PLA2R1: variants seen among roughly 807,000 people sequenced by gnomAD.
PLA2R1 encodes the protein phospholipase A2 receptor 1.
In PLA2R1, 158 loss-of-function variants were observed where a neutral mutation model predicts 195.9. The observed-to-expected ratio is 0.81, with a 90% CI of 0.71 to 0.92. PLA2R1 has a LOEUF of 0.92. PLA2R1 is among the 40% of genes least tolerant of loss of function. PLA2R1 has a pLI of 0.00. For missense variants in PLA2R1, 1,626 were observed against 1,764.6 expected (o/e 0.92, Z 1.41); for synonymous variants, 586 against 598.2 (o/e 0.98, Z 0.30).
At position 159,983,983 on chromosome 2, in the gene PLA2R1, C is replaced by T; in HGVS notation, c.2128G>A (p.Ala710Thr). Residue 710 changes from alanine to threonine, a missense_variant, in exon 13 of 30, where the codon GCC (alanine) becomes ACC (threonine). Coordinates refer to ENST00000283243, the MANE Select transcript of PLA2R1 (RefSeq NM_007366.5). Reference protein sequence around the residue: ...EEFGAHLASFAHIEEENFVNE... With the variant: ...EEFGAHLASFTHIEEENFVNE... The stretch of plus-strand genomic sequence containing the variant: ...ACAAAATTCTCTTCCTCAATATGGG[C>T]AAAGCTTGCAAGATGAGCTCCAAAT... 2 of 1,600,766 alleles carry T rather than the reference C, an allele frequency of 1.2e-6. No individual in the cohort carries two copies. The highest frequency in any genetic ancestry group is 1.1e-5 in the South Asian group (1 of 90,432).
chr2:160,048,910 G>T (rs1056014329), intron 1 of PLA2R1, among the ~76,000 whole-genome samples: 3 of 145,002 alleles, frequency 2.1e-5, no homozygotes, highest in Non-Finnish European at 3.0e-5. Context: ...GCGGGATCTC[G>T]GCTCACTGCA....
intron 25 of PLA2R1, among the ~76,000 whole-genome samples, chr2:159,948,782 G>C (rs1687549646): frequency 6.6e-6 from 1 of 151,808 alleles, no homozygotes; most frequent in African/African-American, 2.4e-5. Context: ...TATATAATTT[G>C]TATGTTATTT....
intron 1 of PLA2R1, among the ~76,000 whole-genome samples, chr2:160,059,480 T>C (rs1434150632): frequency 1.3e-5 from 2 of 152,152 alleles, no homozygotes; most frequent in Admixed American, 6.5e-5. Context: ...TAGCTCCATT[T>C]TACAGATGAG....
rs80154749 is a variant in PLA2R1 at position 159,988,156 on chromosome 2, CA to C, written c.1835-799del. Among the ~76,000 whole-genome samples the C allele has an allele frequency of 6.3e-3, 924 of 146,182 alleles. 4 individuals carry two copies. The highest frequency in any genetic ancestry group is 0.015 in the South Asian group (68 of 4,460). On this transcript the variant is annotated intron_variant, in intron 11 of 29. Coordinates refer to ENST00000283243, the MANE Select transcript of PLA2R1 (RefSeq NM_007366.5). ...AAAATCTATACAACTCATATGACAG[CA>C]AAAAAAAAAAAAAATACACTTCAAA... is the stretch of plus-strand genomic sequence containing the variant.
chr2:160,022,567 C>A, intron 7 of PLA2R1, 98 bp downstream of exon 7: 2 of 630,390 alleles, frequency 3.2e-6, no homozygotes, highest in Non-Finnish European at 5.2e-6. Flanking sequence ...AATGAATAAC[C>A]ACTTTTAAAT....
At chr2:160,008,697 T>C (rs776504372) in intron 10 of PLA2R1, among the ~76,000 whole-genome samples, 3 of 152,184 alleles carry the variant, frequency 2.0e-5, no homozygotes, top group Non-Finnish European at 2.9e-5. Flanking sequence ...AATTAATAAA[T>C]TGGACTTTAT....
At chr2:160,010,125 T>C (rs1332006037) in intron 10 of PLA2R1, among the ~76,000 whole-genome samples, 2 of 152,100 alleles carry the variant, frequency 1.3e-5, no homozygotes, top group African/African-American at 2.4e-5. Context: ...TAAATGAAAG[T>C]AAAATAAACT....
At chr2:160,005,471 T>C (rs1043800960) in intron 11 of PLA2R1, among the ~76,000 whole-genome samples, 181 bp downstream of exon 11, 4 of 148,602 alleles carry the variant, frequency 2.7e-5, no homozygotes, top group East Asian at 2.0e-4. Context: ...AACAAACAAA[T>C]AAAATAAATA....
chr2:160,049,412 T>C (rs1573975753), intron 1 of PLA2R1, among the ~76,000 whole-genome samples: 1 of 152,206 alleles, frequency 6.6e-6, no homozygotes. Flanking sequence ...AGCTACTTCA[T>C]AGACACTGGG....
intron 28 of PLA2R1, among the ~76,000 whole-genome samples, chr2:159,943,621 A>T (rs1687214606): frequency 6.6e-6 from 1 of 152,112 alleles, no homozygotes; most frequent in Non-Finnish European, 1.5e-5. Context: ...CCGTCTGTAA[A>T]ATGGGGATAT....
chr2:159,971,367 C>T (rs964660256), intron 17 of PLA2R1, among the ~76,000 whole-genome samples: 3 of 151,958 alleles, frequency 2.0e-5, no homozygotes, highest in Non-Finnish European at 4.4e-5. Flanking sequence ...AGAAAATTAT[C>T]CTTTTACATT....
chr2:159,997,167 G>A (rs1428321311), intron 11 of PLA2R1, among the ~76,000 whole-genome samples: 2 of 152,124 alleles, frequency 1.3e-5, no homozygotes, highest in East Asian at 3.8e-4. Context: ...GGAATGGTAA[G>A]GTGTGAGAGG....
Position 159,933,798 on chromosome 2 carries a change from A to G in PLA2R1, c.*7980T>C, listed in dbSNP as rs555194606. 6.6e-6 allele frequency: 1 copy of G among 152,342 alleles called. No homozygotes were observed. Among genetic ancestry groups the G allele is most frequent in the South Asian group, 2.1e-4 (1 of 4,828 alleles). The allele number at this position is 152,342 out of a possible 1,614,324, so 9.4% of individuals were successfully genotyped here. On this transcript the variant is annotated 3_prime_UTR_variant, in exon 30 of 30. Transcript: ENST00000283243. ...ACGTTAAAGTATGTAAGACTTCCCC[A>G]TTTAGGTTTTCACTTTCTAAATCAG...
chr2:160,028,921 T>C lies in PLA2R1; in HGVS notation c.884A>G (p.Asn295Ser), dbSNP rs139957604. 562 of 1,611,252 alleles carry C rather than the reference T, an allele frequency of 3.5e-4. No individual in the cohort carries two copies. Among genetic ancestry groups the C allele is most frequent in the Middle Eastern group, 6.6e-4 (4 of 6,060 alleles). Residue 295 changes from asparagine to serine, a missense_variant, in exon 5 of 30, where the codon AAT (asparagine) becomes AGT (serine). Physicochemically the swap from Asn to Ser is conservative, Grantham distance 46 (BLOSUM62 1). Transcript: ENST00000283243. ...CCAGCCAGCGTGTTCATCCAGCTGA[T>C]TGAGGCCCATCCACACCTCCACTGT... is the stretch of plus-strand genomic sequence containing the variant. ...SKTVEVWMGL[N>S]QLDEHAGWQW...
At chr2:159,962,892 G>C (rs1192578680) in intron 20 of PLA2R1, among the ~76,000 whole-genome samples, 1 of 152,100 alleles carries the variant, frequency 6.6e-6, no homozygotes, top group Non-Finnish European at 1.5e-5. Flanking sequence ...GGGGACTGGG[G>C]GCCTAGGGGA....
rs1696044110 is a variant in PLA2R1 at position 160,062,576 on chromosome 2, G to C, written c.-173C>G. 2 of 1,165,402 alleles carry C rather than the reference G, an allele frequency of 1.7e-6. No individual in the cohort carries two copies. Among genetic ancestry groups the C allele is most frequent in the East Asian group, 6.4e-5 (2 of 31,138 alleles). 72.2% of individuals were successfully genotyped at this position (1,165,402 alleles called of 1,614,324 possible). On this transcript the variant is annotated 5_prime_UTR_variant, in exon 1 of 30. Transcript: ENST00000283243. ...GCCCAGAGCCCTGGAGACCCACTCCGCCACCGCTGTCTCCACAGTGAACCG... is the reference window on the plus strand; with the variant it reads ...GCCCAGAGCCCTGGAGACCCACTCCCCCACCGCTGTCTCCACAGTGAACCG...
intron 19 of PLA2R1, among the ~76,000 whole-genome samples, chr2:159,967,962 A>G (rs1289509110): frequency 2.0e-5 from 3 of 152,222 alleles, no homozygotes; most frequent in Admixed American, 2.0e-4. Flanking sequence ...TCTTAAGAAT[A>G]TTTGACTTGT....
chr2:159,987,397 T>A, intron 11 of PLA2R1, 39 bp from the exon 12 acceptor site: 1 of 1,451,088 alleles, frequency 6.9e-7, no homozygotes, highest in Non-Finnish European at 9.5e-7. Flanking sequence ...ACCAGACGAC[T>A]AAAACGTTTT....
chr2:160,004,286 G>A (rs913313784), intron 11 of PLA2R1, among the ~76,000 whole-genome samples: 33 of 152,142 alleles, frequency 2.2e-4, no homozygotes, highest in African/African-American at 7.5e-4. Context: ...GGGCAAATGA[G>A]GTATATGGTC....
Sources: gnomAD v4.1 joint callset for allele counts (sites outside exome capture counted in the v4.1 genomes callset) on GRCh38, gnomAD v4.1.1 for gene constraint, MANE v1.5 for transcripts, NCBI Gene and HGNC (gene_info 2026-07-23, HGNC 2026-07-21) for gene names.